MYH6: variants seen among roughly 807,000 people sequenced by gnomAD.
MYH6 encodes the protein myosin heavy chain 6.
Under a neutral mutation model 223.2 loss-of-function variants are expected in MYH6, and 126 were observed. The ratio of observed to expected loss-of-function variants is 0.56; its 90% CI spans 0.49 to 0.65. MYH6 has a LOEUF of 0.65. Among genes scored for constraint, MYH6 ranks in the 30% least tolerant of loss-of-function variants. The pLI, the probability that MYH6 is intolerant of heterozygous loss-of-function variation, is 0.00. For synonymous variants in MYH6, 978 were observed against 1,010.2 expected (o/e 0.97, Z 0.61); for missense variants, 2,040 against 2,536.4 (o/e 0.80, Z 4.20).
Position 23,396,431 on chromosome 14 carries a change from G to C in MYH6, c.2293-11C>G. ...TGCCTTGAAGAACACCTGCAGGCAA[G>C]GGGTAGATGCAACAGGCCGCAGCCT... On this transcript the variant is annotated splice_polypyrimidine_tract_variant and intron_variant, in intron 19 of 38. Coordinates refer to ENST00000405093, the MANE Select transcript of MYH6 (RefSeq NM_002471.4). The C allele has an allele frequency of 6.2e-7, 1 of 1,613,318 alleles. No individual in the cohort carries two copies.
chr14:23,402,683 GC>G lies in MYH6; in HGVS notation c.1002+13del. The G allele has an allele frequency of 1.2e-6, 2 of 1,613,484 alleles. No individual in the cohort carries two copies. Among genetic ancestry groups the G allele is most frequent in the Non-Finnish European group, 8.5e-7 (1 of 1,179,878 alleles). ...TGGGGTCCCTCGAACGGCCGCAGCAGCCCCCTCACTCACATCGGTGGCCATG... is the reference window on the plus strand; with the variant it reads ...TGGGGTCCCTCGAACGGCCGCAGCAGCCCCTCACTCACATCGGTGGCCATG... On this transcript the variant is annotated intron_variant, in intron 11 of 38. Coordinates refer to ENST00000405093, the MANE Select transcript of MYH6 (RefSeq NM_002471.4).
Position 23,393,401 on chromosome 14 carries a change from C to T in MYH6, c.3046G>A (p.Glu1016Lys). 6.2e-7 allele frequency: 1 copy of T among 1,614,182 alleles called. No homozygotes were observed. Among genetic ancestry groups the T allele is most frequent in the Non-Finnish European group, 8.5e-7 (1 of 1,180,032 alleles). Residue 1016 changes from glutamate (E) to lysine (K), a missense_variant, in exon 23 of 39, where the codon GAA becomes AAA. Physicochemically the swap from Glu to Lys is moderately conservative, Grantham distance 56. Coordinates refer to ENST00000405093, the MANE Select transcript of MYH6 (RefSeq NM_002471.4). ...TTGGACAGGCTGTTGACCTTGTCTT[C>T]CTCAACCTGAAGGTCATCCAGGGCC... ...QQALDDLQVE[E>K]DKVNSLSKSK...
intron 12 of MYH6, among the ~76,000 whole-genome samples, chr14:23,401,202 T>C (rs1891590201): frequency 1.3e-5 from 2 of 152,322 alleles, no homozygotes; most frequent in Admixed American, 6.5e-5. Flanking sequence ...AGACAGGGTT[T>C]CACCATGTTG....
In MYH6 at chr14:23,394,136, T is replaced by C; in HGVS notation, c.2617A>G (p.Lys873Glu). 1 of 1,614,200 alleles carries C rather than the reference T, an allele frequency of 6.2e-7. No homozygotes were observed. Among genetic ancestry groups the C allele is most frequent in the Non-Finnish European group, 8.5e-7 (1 of 1,180,030 alleles). Residue 873 changes from lysine (K) to glutamate (E), a missense_variant, in exon 21 of 39, where the codon AAG (lysine) becomes GAG (glutamate). Physicochemically the swap from Lys to Glu is moderately conservative, Grantham distance 56. This residue lies in a region of MYH6 where 1,203 missense variants were observed against 1,400.2 expected (regional missense o/e 0.86). Coordinates refer to ENST00000405093, the MANE Select transcript of MYH6 (RefSeq NM_002471.4). ...GACACCATCTTCTCCTCCAGCTCCT[T>C]GCGGCGAGCCTCGGACTTCTCCAGC... is the stretch of plus-strand genomic sequence containing the variant. ...ETLEKSEARR[K>E]ELEEKMVSLL...
rs2138619918 is a variant in MYH6 at position 23,405,353 on chromosome 14, A to G, written c.372T>C (p.Thr124=). ...CCGGCAGCCACTTGTAGGGGTTGAC[A>G]GTGACACAGAAGAGGCCCGAGTAGG... is the stretch of plus-strand genomic sequence containing the variant. ...IYTYSGLFCV[T]VNPYKWLPVY... Residue 124 remains threonine, a synonymous_variant, in exon 5 of 39, where the codon ACT becomes ACC. Coordinates refer to ENST00000405093, the MANE Select transcript of MYH6 (RefSeq NM_002471.4). This position sits in a 1 kb window ranked among gnomAD's most constrained non-coding sequence, Gnocchi z 4.7. 2.5e-6 allele frequency: 4 copies of G among 1,614,192 alleles called. No individual in the cohort carries two copies. The highest frequency in any genetic ancestry group is 3.4e-6 in the Non-Finnish European group (4 of 1,180,008).
At chr14:23,400,045 C>T in intron 14 of MYH6, 3 of 739,466 alleles carry the variant, frequency 4.1e-6, no homozygotes, top group Non-Finnish European at 6.7e-6. Context: ...GAGGGGACCA[C>T]CACAAAGGGG....
rs1891666517 is a variant in MYH6 at position 23,403,271 on chromosome 14, G to A, written c.898+77C>T. ...GGTGGGGCACAGTGGGGAGCAGGAG[G>A]GCCCTGCCCTGCATGCAGGAGTCGT... On this transcript the variant is annotated intron_variant, in intron 10 of 38. Coordinates refer to ENST00000405093, the MANE Select transcript of MYH6 (RefSeq NM_002471.4). 7.4e-6 allele frequency: 9 copies of A among 1,217,064 alleles called. No homozygotes were observed. In the South Asian group the frequency reaches 1.1e-4, roughly 15 times the overall value. The allele number at this position is 1,217,064 out of a possible 1,614,324, so 75.4% of individuals were successfully genotyped here.
At chr14:23,397,953 T>TCC (rs1566512449) in intron 15 of MYH6, among the ~76,000 whole-genome samples, 1 of 90,794 alleles carries the variant, frequency 1.1e-5, no homozygotes, top group African/African-American at 5.2e-5. Context: ...CTTCTTCTTC[T>TCC]TCTTCTTCTT....
At chr14:23,403,821 CAG>C in intron 8 of MYH6, 43 bp from the exon 9 acceptor site, 1 of 1,538,026 alleles carries the variant, frequency 6.5e-7, no homozygotes, top group South Asian at 1.2e-5. Context: ...GCGGGAAGGA[CAG>C]AGTGAAATCC....
At chr14:23,402,825 G>T in intron 10 of MYH6, 25 bp from the exon 11 acceptor site, 1 of 1,596,688 alleles carries the variant, frequency 6.3e-7, no homozygotes. Flanking sequence ...GGGTGAGGCA[G>T]GGGCAAGGGG....
chr14:23,388,993 C>T lies in MYH6; in HGVS notation c.4041G>A (p.Glu1347=), dbSNP rs745864025. The T allele has an allele frequency of 3.1e-6, 5 of 1,613,740 alleles. No homozygotes were observed. Among genetic ancestry groups the T allele is most frequent in the Non-Finnish European group, 4.2e-6 (5 of 1,179,960 alleles). ...TGGCCTCTGTCTCCTCCTCGTACTG[C>T]TCCCGCAGCAGGTCGCAGTCATGCC... ...SARHDCDLLR[E]QYEEETEAKA... The change falls in exon 29 of 39, where the codon GAG becomes GAA. Residue 1347 remains glutamate, a synonymous_variant. Transcript: ENST00000405093.
chr14:23,404,617 C>A (rs1246841896), intron 7 of MYH6, 94 bp downstream of exon 7: 1 of 1,286,046 alleles, frequency 7.8e-7, no homozygotes, highest in East Asian at 2.4e-5. Context: ...GTGTGGCTGT[C>A]CCCACCACGT....
chr14:23,398,979 A>T lies in MYH6; in HGVS notation c.1640T>A (p.Met547Lys). ...GTCGTACAGCTTGGCCTTGAAGGTC[A>T]TGTCAGTGGCCTTGGGGAACATGCA... Reference protein sequence around the residue: ...EECMFPKATDMTFKAKLYDNH... With the variant: ...EECMFPKATDKTFKAKLYDNH... The change falls in exon 15 of 39, where the codon ATG becomes AAG. Residue 547 changes from methionine (M) to lysine (K), a missense_variant. Met to Lys is a moderately conservative substitution (Grantham distance 95). Transcript: ENST00000405093. 6.2e-7 allele frequency: 1 copy of T among 1,614,126 alleles called. No individual in the cohort carries two copies. The highest frequency in any genetic ancestry group is 8.5e-7 in the Non-Finnish European group (1 of 1,180,030).
Position 23,389,441 on chromosome 14 carries a change from A to G in MYH6, c.3930T>C (p.Tyr1310=). ...ISQLTRGKLS[Y]TQQMEDLKRQ... ...TTTTGAGGTCCTCCATTTGCTGGGT[A>G]TAAGAGAGCTTCCCCCGGGTCAGCT... Residue 1310 remains tyrosine (Y), a synonymous_variant, in exon 28 of 39, where the codon TAT becomes TAC. Coordinates refer to ENST00000405093, the MANE Select transcript of MYH6 (RefSeq NM_002471.4). 1.2e-6 allele frequency: 2 copies of G among 1,614,074 alleles called. No homozygotes were observed. The highest frequency in any genetic ancestry group is 1.7e-6 in the Non-Finnish European group (2 of 1,180,012).
intron 9 of MYH6, 51 bp downstream of exon 9, chr14:23,403,664 G>A (rs922639388): frequency 2.0e-6 from 3 of 1,529,134 alleles, no homozygotes; most frequent in South Asian, 2.3e-5. Context: ...CAGGCAGGGA[G>A]AGAAGGCAGA....
At chr14:23,399,622 T>C (rs1376611738) in intron 14 of MYH6, 2 of 186,486 alleles carry the variant, frequency 1.1e-5, no homozygotes, top group Non-Finnish European at 2.3e-5. Context: ...ACACATGCTT[T>C]TTTCCACACA....
chr14:23,404,639 G>A lies in MYH6; in HGVS notation c.642+72C>T. 6.3e-6 allele frequency: 9 copies of A among 1,425,148 alleles called. 1 individual carries two copies. In the South Asian group the frequency reaches 1.0e-4, roughly 16 times the overall value. 88.3% of individuals were successfully genotyped at this position (1,425,148 alleles called of 1,614,324 possible). ...TGTCCCCACCACGTCACAGGGAGGGGAGGGTTAGGGGTAACTCGGGTCAGC... is the reference window on the plus strand; with the variant it reads ...TGTCCCCACCACGTCACAGGGAGGGAAGGGTTAGGGGTAACTCGGGTCAGC... On this transcript the variant is annotated intron_variant, in intron 7 of 38. Transcript: ENST00000405093.
At chr14:23,383,341 G>GGGGGCCCCCCCCC in intron 36 of MYH6, 21 bp from the exon 37 acceptor site, 2 of 556,582 alleles carry the variant, frequency 3.6e-6, no homozygotes, top group Non-Finnish European at 6.5e-6. Context: ...GAGGGTGGGA[G>GGGGGCCCCCCCCC]AAGCTGGTTT....
chr14:23,388,033 T>C, intron 30 of MYH6, 110 bp from the exon 31 acceptor site: 8 of 1,606,466 alleles, frequency 5.0e-6, no homozygotes, highest in East Asian at 2.2e-5. Context: ...GATCTGTCCC[T>C]GGTCCCGAGC....
Sources: gnomAD v4.1 joint callset for allele counts (sites outside exome capture counted in the v4.1 genomes callset) on GRCh38, gnomAD v4.1.1 for gene constraint, gnomAD v4.1.1 regional missense constraint, Gnocchi (gnomAD v3.1) non-coding constraint, MANE v1.5 for transcripts, NCBI Gene and HGNC (gene_info 2026-07-23, HGNC 2026-07-21) for gene names.